FGFRL1: variants seen among roughly 807,000 people sequenced by gnomAD.
FGFRL1 encodes fibroblast growth factor receptor like 1, also known as fibroblast growth factor receptor-like 1.
FGFRL1 carries 24 observed loss-of-function variants against 36.8 expected under a neutral mutation model. The observed-to-expected ratio is 0.65, with a 90% CI of 0.47 to 0.92. FGFRL1 has a LOEUF of 0.92. Among genes scored for constraint, FGFRL1 ranks in the 40% least tolerant of loss-of-function variants. The pLI, the probability that FGFRL1 is intolerant of heterozygous loss-of-function variation, is 0.00. For synonymous variants in FGFRL1, 422 were observed against 344.1 expected (o/e 1.23, Z -2.50); for missense variants, 785 against 753.4 (o/e 1.04, Z -0.49).
chr4:1,025,166 G>A lies in FGFRL1; in HGVS notation c.1334G>A (p.Gly445Glu), dbSNP rs767199588. ...GCCCTCAGCGCTGGCCCTGGTGTGG[G>A]GCTGTGTGAGGAGCATGGGTCTCCG... ...LAALSAGPGV[G>E]LCEEHGSPAA... The change falls in exon 7 of 7, where the codon GGG becomes GAG. Residue 445 changes from glycine (G) to glutamate (E), a missense_variant. By Grantham distance (98) the Gly-to-Glu change is moderately conservative. Transcript: ENST00000510644. The A allele has an allele frequency of 6.2e-7, 1 of 1,610,374 alleles. No homozygotes were observed. Among genetic ancestry groups the A allele is most frequent in the Non-Finnish European group, 8.5e-7 (1 of 1,179,058 alleles).
intron 2 of FGFRL1, among the ~76,000 whole-genome samples, chr4:1,020,384 G>A (rs62296061): frequency 0.14 from 21,831 of 151,980 alleles, 2,012 homozygotes; most frequent in Non-Finnish European, 0.2. Flanking sequence ...TGTGGTCGCC[G>A]CTGCAGGACT....
rs1389973771 is a variant in FGFRL1 at position 1,025,459 on chromosome 4, C to G, written c.*112C>G. The G allele has an allele frequency of 6.1e-6, 8 of 1,311,266 alleles. No individual in the cohort carries two copies. The highest frequency in any genetic ancestry group is 1.5e-5 in the African/African-American group (1 of 67,914). The allele number at this position is 1,311,266 out of a possible 1,614,324, so 81.2% of individuals were successfully genotyped here. On this transcript the variant is annotated 3_prime_UTR_variant, in exon 7 of 7. Coordinates refer to ENST00000510644, the MANE Select transcript of FGFRL1 (RefSeq NM_001004356.3). ...GGGACCCATGGCGAGGAGGAATGGC[C>G]AGCACCCCAGGCAGTCTGTGTGTGA...
rs1235616093 is a variant in FGFRL1, at chr4:1,026,550, A to C, written c.*1203A>C. Reference sequence around the variant, plus strand: ...ACTGCTGTGGGCTGGGGTTGGGGGCACAGCAGCCCCAAGCCTGAGAGGCTG... The same window carrying C: ...ACTGCTGTGGGCTGGGGTTGGGGGCCCAGCAGCCCCAAGCCTGAGAGGCTG... On this transcript the variant is annotated 3_prime_UTR_variant, in exon 7 of 7. Coordinates refer to ENST00000510644, the MANE Select transcript of FGFRL1 (RefSeq NM_001004356.3). The C allele has an allele frequency of 9.7e-6, 2 of 205,876 alleles. No homozygotes were observed. The highest frequency in any genetic ancestry group is 4.7e-5 in the African/African-American group (2 of 42,140). The allele number at this position is 205,876 out of a possible 1,614,324, so 12.8% of individuals were successfully genotyped here.
rs904529586 is a variant in FGFRL1 at position 1,022,447 on chromosome 4, G to C, written c.324G>C (p.Leu108=). 5 of 1,608,766 alleles carry C rather than the reference G, an allele frequency of 3.1e-6. No individual in the cohort carries two copies. The highest frequency in any genetic ancestry group is 4.2e-6 in the Non-Finnish European group (5 of 1,177,694). ...VCKATNGFGS[L]SVNYTLVVLD... ...AGGCCACCAACGGCTTCGGCAGCCTGAGCGTCAACTACACCCTCGTCGTGC... is the reference window on the plus strand; with the variant it reads ...AGGCCACCAACGGCTTCGGCAGCCTCAGCGTCAACTACACCCTCGTCGTGC... The change falls in exon 3 of 7, where the codon CTG becomes CTC. Residue 108 remains leucine (L), a synonymous_variant. Transcript: ENST00000510644.
chr4:1,015,906 C>T (rs1314358069), intron 2 of FGFRL1, among the ~76,000 whole-genome samples: 1 of 152,244 alleles, frequency 6.6e-6, no homozygotes, highest in Non-Finnish European at 1.5e-5. Context: ...GACTGCAGGG[C>T]TTGGTGTGGA....
intron 2 of FGFRL1, among the ~76,000 whole-genome samples, chr4:1,017,906 A>G (rs1248665464): frequency 3.3e-5 from 5 of 152,088 alleles, no homozygotes; most frequent in Non-Finnish European, 7.4e-5. Context: ...CGTTCTCCCT[A>G]CGAATGTCCA....
At position 1,023,616 on chromosome 4, in the gene FGFRL1, C is replaced by T. The variant is rs764753032; in HGVS notation, c.353-25C>T. On this transcript the variant is annotated intron_variant, in intron 3 of 6. Transcript: ENST00000510644. The surrounding 1 kb of genome is among the most constrained non-coding windows in gnomAD (Gnocchi z 6.0). ...CTCAGGGCCCCCCTCACCTGCCCTC[C>T]CTGTGCACCTCCGTCTCTCTGCAGA... The T allele has an allele frequency of 1.2e-5, 19 of 1,578,520 alleles. No individual in the cohort carries two copies. Among genetic ancestry groups the T allele is most frequent in the South Asian group, 1.2e-5 (1 of 86,226 alleles).
Position 1,023,650 on chromosome 4 carries a change from G to T in FGFRL1, c.362G>T (p.Ser121Ile). Reference protein sequence around the residue: ...NYTLVVLDDISPGKESLGPDS... With the variant: ...NYTLVVLDDIIPGKESLGPDS... ...CTCCGTCTCTCTGCAGATGACATTA[G>T]CCCAGGGAAGGAGAGCCTGGGGCCC... The change falls in exon 4 of 7, where the codon AGC becomes ATC. Residue 121 changes from serine to isoleucine, a missense_variant. Physicochemically the swap from Ser to Ile is moderately radical, Grantham distance 142 (BLOSUM62 -2). Transcript: ENST00000510644. The surrounding 1 kb of genome is among the most constrained non-coding windows in gnomAD (Gnocchi z 6.0). 1 of 1,602,176 alleles carries T rather than the reference G, an allele frequency of 6.2e-7. No individual in the cohort carries two copies. Among genetic ancestry groups the T allele is most frequent in the Non-Finnish European group, 8.5e-7 (1 of 1,176,510 alleles).
rs1301820016 is a variant in FGFRL1, at chr4:1,022,454, A to G, written c.331A>G (p.Asn111Asp). 3 of 1,607,570 alleles carry G rather than the reference A, an allele frequency of 1.9e-6. No individual in the cohort carries two copies. The highest frequency in any genetic ancestry group is 2.5e-6 in the Non-Finnish European group (3 of 1,176,812). The change falls in exon 3 of 7, where the codon AAC becomes GAC. Residue 111 changes from asparagine to aspartate, a missense_variant. By Grantham distance (23) the Asn-to-Asp change is conservative (BLOSUM62 1). Transcript: ENST00000510644. ...CAACGGCTTCGGCAGCCTGAGCGTC[A>G]ACTACACCCTCGTCGTGCTGGGTTA... ...ATNGFGSLSV[N>D]YTLVVLDDIS... is the part of the protein sequence containing the mutation.
In FGFRL1 at chr4:1,025,468, AGGCAGTCTGTGTGT is replaced by A; in HGVS notation, c.*123_*136del. 7.2e-6 allele frequency: 9 copies of A among 1,252,848 alleles called. No individual in the cohort carries two copies. The highest frequency in any genetic ancestry group is 1.5e-5 in the South Asian group (1 of 66,268). The allele number at this position is 1,252,848 out of a possible 1,614,324, so 77.6% of individuals were successfully genotyped here. On this transcript the variant is annotated 3_prime_UTR_variant, in exon 7 of 7. Transcript: ENST00000510644. ...GGCGAGGAGGAATGGCCAGCACCCCAGGCAGTCTGTGTGTGAGGCATAGCCCCTGGACACACACA... is the reference window on the plus strand; with the variant it reads ...GGCGAGGAGGAATGGCCAGCACCCCAGAGGCATAGCCCCTGGACACACACA...
chr4:1,011,711 G>C lies in FGFRL1; in HGVS notation c.-260G>C, dbSNP rs1715591548. On this transcript the variant is annotated 5_prime_UTR_variant, in exon 1 of 7. Transcript: ENST00000510644. ...CCCGCCGCCCCGGGATCCCGGCCCC[G>C]GCCCCCGGCCCCGCGGACTCGCCCC... 7.3e-6 allele frequency: 1 copy of C among 137,422 alleles called. No homozygotes were observed. The highest frequency in any genetic ancestry group is 2.6e-5 in the African/African-American group (1 of 38,264). The allele number at this position is 137,422 out of a possible 1,614,324, so 8.5% of individuals were successfully genotyped here.
intron 2 of FGFRL1, among the ~76,000 whole-genome samples, chr4:1,017,210 C>T (rs900386246): frequency 1.3e-5 from 2 of 152,308 alleles, no homozygotes; most frequent in African/African-American, 4.8e-5. Context: ...CCAGAGAATT[C>T]CTCCAGCTGG....
Position 1,025,709 on chromosome 4 carries a change from T to G in FGFRL1, c.*362T>G. Reference sequence around the variant, plus strand: ...GCCTGAACATACACACGCACACCCATGCGCAGATGTGCTGCCTGGACACAC... The same window carrying G: ...GCCTGAACATACACACGCACACCCAGGCGCAGATGTGCTGCCTGGACACAC... On this transcript the variant is annotated 3_prime_UTR_variant, in exon 7 of 7. Transcript: ENST00000510644. 1 of 320,284 alleles carries G rather than the reference T, an allele frequency of 3.1e-6. No individual in the cohort carries two copies. Among genetic ancestry groups the G allele is most frequent in the Non-Finnish European group, 5.9e-6 (1 of 170,170 alleles). 19.8% of individuals were successfully genotyped at this position (320,284 alleles called of 1,614,324 possible). A position where few individuals can be genotyped will look rare whatever the true frequency, so the allele number is the denominator to read the frequency against.
chr4:1,010,319 G>A (rs1251641986), upstream of FGFRL1: 5 of 152,310 alleles, frequency 3.3e-5, no homozygotes, highest in Non-Finnish European at 7.3e-5. Flanking sequence ...TGGGCCGTCC[G>A]AGCGCACCTC....
chr4:1,024,805 A>G (rs1030605358), intron 6 of FGFRL1, 100 bp from the exon 7 acceptor site: 2 of 1,414,668 alleles, frequency 1.4e-6, no homozygotes, highest in Non-Finnish European at 1.9e-6. Context: ...AGGGCAGCCC[A>G]GGGGCACCGT....
At chr4:1,015,702 G>A (rs1715852599) in intron 2 of FGFRL1, among the ~76,000 whole-genome samples, 1 of 152,258 alleles carries the variant, frequency 6.6e-6, no homozygotes, top group Non-Finnish European at 1.5e-5. Context: ...ACAGGAAAGA[G>A]GGAGCCGGGC....
At chr4:1,013,515 C>T (rs1299408218) in intron 2 of FGFRL1, among the ~76,000 whole-genome samples, 1 of 148,070 alleles carries the variant, frequency 6.8e-6, no homozygotes, top group Non-Finnish European at 1.5e-5. Flanking sequence ...CCAGGTGGGC[C>T]TTATGCCACA....
At chr4:1,012,882 A>T (rs1205254091) in intron 2 of FGFRL1, among the ~76,000 whole-genome samples, 1 of 152,250 alleles carries the variant, frequency 6.6e-6, no homozygotes, top group East Asian at 1.9e-4. Flanking sequence ...CAGGGCAGCT[A>T]ATCACCTGTG....
intron 2 of FGFRL1, among the ~76,000 whole-genome samples, chr4:1,015,257 C>T (rs572394120): frequency 1.3e-5 from 2 of 152,338 alleles, no homozygotes; most frequent in South Asian, 4.1e-4. Context: ...CAGGTGACAG[C>T]CTCAGCGGGT....
Sources: allele counts gnomAD v4.1 joint callset (sites outside exome capture counted in the v4.1 genomes callset), GRCh38; gene constraint gnomAD v4.1.1; non-coding constraint Gnocchi (gnomAD v3.1); transcripts MANE v1.5; gene names NCBI Gene and HGNC (gene_info 2026-07-23, HGNC 2026-07-21).